Variants in ARFIP1 observed in about 807,000 individuals in gnomAD.
The protein encoded by ARFIP1 is arfaptin-1.
ARFIP1 carries 24 observed loss-of-function variants against 42.5 expected under a neutral mutation model. That is an observed-to-expected ratio of 0.57 (90% confidence interval 0.41 to 0.80). The LOEUF (loss-of-function observed/expected upper bound fraction) is 0.80. Among genes scored for constraint, ARFIP1 ranks in the 30% least tolerant of loss-of-function variants. The probability of loss-of-function intolerance (pLI) is 0.00; values close to 1 mark genes in which losing one functional copy is unlikely to be tolerated. For missense variants in ARFIP1, 354 were observed against 434.0 expected (o/e 0.82, Z 1.64); for synonymous variants, 141 against 153.7 (o/e 0.92, Z 0.61).
At chr4:152,825,980 G>A (rs1283720234) in intron 1 of ARFIP1, among the ~76,000 whole-genome samples, 1 of 151,882 alleles carries the variant, frequency 6.6e-6, no homozygotes, top group Non-Finnish European at 1.5e-5. Flanking sequence ...ACCCAGAATG[G>A]CCATGATTAA....
chr4:152,851,340 A>G (rs1410892779), intron 2 of ARFIP1, among the ~76,000 whole-genome samples: 1 of 152,228 alleles, frequency 6.6e-6, no homozygotes, highest in Admixed American at 6.5e-5. Flanking sequence ...ATTACTATAT[A>G]AGCTGAGGTC....
At chr4:152,795,261 A>G (rs1421726137) in intron 1 of ARFIP1, among the ~76,000 whole-genome samples, 2 of 152,106 alleles carry the variant, frequency 1.3e-5, no homozygotes, top group South Asian at 2.1e-4. Context: ...ATAACATACC[A>G]TAGGGATTTT....
intron 1 of ARFIP1, among the ~76,000 whole-genome samples, chr4:152,820,829 C>T (rs1423179483): frequency 2.0e-5 from 3 of 152,308 alleles, no homozygotes; most frequent in African/African-American, 7.2e-5. Flanking sequence ...CTGCGACTGG[C>T]ATCTGGCAAA....
intron 2 of ARFIP1, 115 bp downstream of exon 2, chr4:152,829,841 C>A: frequency 2.5e-6 from 2 of 795,996 alleles, no homozygotes; most frequent in Non-Finnish European, 3.8e-6. Flanking sequence ...TGGCTTCAGT[C>A]AGGAATCTAA....
chr4:152,899,711 A>G (rs1737660883), intron 8 of ARFIP1, among the ~76,000 whole-genome samples: 2 of 152,158 alleles, frequency 1.3e-5, no homozygotes, highest in South Asian at 2.1e-4. Flanking sequence ...TTGCCCCTAG[A>G]GGTGCTCCAT....
chr4:152,785,273 A>C (rs995704508), intron 1 of ARFIP1, among the ~76,000 whole-genome samples: 1 of 152,218 alleles, frequency 6.6e-6, no homozygotes, highest in African/African-American at 2.4e-5. Context: ...TTTCACATAC[A>C]TCCTCATTTT....
intron 1 of ARFIP1, among the ~76,000 whole-genome samples, chr4:152,794,508 C>T: frequency 6.6e-6 from 1 of 152,126 alleles, no homozygotes; most frequent in Non-Finnish European, 1.5e-5. Context: ...CTTATGATTA[C>T]TTGATCACTT....
intron 2 of ARFIP1, among the ~76,000 whole-genome samples, chr4:152,846,532 T>G (rs1054104380): frequency 6.6e-6 from 1 of 152,212 alleles, no homozygotes; most frequent in African/African-American, 2.4e-5. Context: ...CCTCAAGATC[T>G]TTTAAGCATC....
At chr4:152,825,018 C>A (rs1730715512) in intron 1 of ARFIP1, among the ~76,000 whole-genome samples, 1 of 151,388 alleles carries the variant, frequency 6.6e-6, no homozygotes. Flanking sequence ...CACACTTAAC[C>A]AAGGAGGCAA....
chr4:152,839,327 C>G (rs945866260), intron 2 of ARFIP1, among the ~76,000 whole-genome samples: 2 of 152,044 alleles, frequency 1.3e-5, no homozygotes, highest in Admixed American at 6.6e-5. Context: ...TTCTTTCTCT[C>G]TCTTATGGAA....
chr4:152,833,771 C>T (rs1731430519), intron 2 of ARFIP1, among the ~76,000 whole-genome samples: 1 of 152,118 alleles, frequency 6.6e-6, no homozygotes, highest in South Asian at 2.1e-4. Context: ...TACAATAAGC[C>T]AGACACAGGA....
intron 8 of ARFIP1, among the ~76,000 whole-genome samples, chr4:152,902,366 G>A (rs1737910869): frequency 6.6e-6 from 1 of 152,162 alleles, no homozygotes; most frequent in Non-Finnish European, 1.5e-5. Context: ...GCCAGGTATG[G>A]TGATGCGCAC....
chr4:152,846,695 A>G (rs1460538335), intron 2 of ARFIP1, among the ~76,000 whole-genome samples: 1 of 152,142 alleles, frequency 6.6e-6, no homozygotes, highest in Non-Finnish European at 1.5e-5. Flanking sequence ...TAGACTAGTG[A>G]AGAGATCTCA....
rs575180867 is a variant in ARFIP1, at chr4:152,806,075, A to G, written c.-9-23550A>G. Among the ~76,000 whole-genome samples the G allele has an allele frequency of 2.6e-5, 4 of 152,366 alleles. No individual in the cohort carries two copies. The South Asian group carries it at 8.3e-4, about 32-fold the overall frequency. ...TATGCCTGTATTGCTATTTTAAAAG[A>G]TCTAAAATGAGGAACAGAAGAATTT... On this transcript the variant is annotated intron_variant, in intron 1 of 8. Coordinates refer to ENST00000353617, the MANE Select transcript of ARFIP1 (RefSeq NM_001025595.3).
At chr4:152,899,475 T>C (rs72723700) in intron 8 of ARFIP1, among the ~76,000 whole-genome samples, 4,099 of 152,348 alleles carry the variant, frequency 0.027, 98 homozygotes, top group South Asian at 0.11. Flanking sequence ...TTGAGATAAC[T>C]TTATATCTCT....
chr4:152,780,333 G>A (rs935459107), intron 1 of ARFIP1, 107 bp downstream of exon 1: 2 of 152,332 alleles, frequency 1.3e-5, no homozygotes, highest in African/African-American at 4.8e-5. Context: ...AACTTTCACA[G>A]GGCACGCCTC....
intron 1 of ARFIP1, among the ~76,000 whole-genome samples, chr4:152,800,980 G>A (rs561961783): frequency 1.3e-5 from 2 of 152,140 alleles, no homozygotes; most frequent in South Asian, 4.2e-4. Context: ...TGAGAAATAC[G>A]TATGGAGAAG....
chr4:152,826,374 A>G (rs1278915055), intron 1 of ARFIP1, among the ~76,000 whole-genome samples: 1 of 152,194 alleles, frequency 6.6e-6, no homozygotes, highest in Non-Finnish European at 1.5e-5. Context: ...TCAGGAATCA[A>G]AAAACCAGAT....
intron 1 of ARFIP1, among the ~76,000 whole-genome samples, chr4:152,804,183 ATT>A (rs1365760087): frequency 8.5e-6 from 1 of 117,806 alleles, no homozygotes. Flanking sequence ...TGTATTATAT[ATT>A]ATATATAATA....
Sources: gnomAD v4.1 joint callset for allele counts (sites outside exome capture counted in the v4.1 genomes callset) on GRCh38, gnomAD v4.1.1 for gene constraint, MANE v1.5 for transcripts, NCBI Gene and HGNC (gene_info 2026-07-23, HGNC 2026-07-21) for gene names.